The following ECI2 variants were observed in gnomAD, a reference collection of about 807,000 sequenced individuals.
ECI2 encodes the protein D3,D2-enoyl-CoA isomerase.
A neutral mutation model predicts 38.4 loss-of-function variants in ECI2; 27 were observed. The ratio of observed to expected loss-of-function variants is 0.70; its 90% CI spans 0.52 to 0.97. ECI2 has a LOEUF of 0.97. ECI2 is among the 50% of genes least tolerant of loss of function. The pLI is 0.00. For missense variants in ECI2, 470 were observed against 474.4 expected (o/e 0.99, Z 0.09); for synonymous variants, 168 against 172.0 (o/e 0.98, Z 0.18).
In ECI2 at chr6:4,119,031, T is replaced by C. The variant is rs1020127680; in HGVS notation, c.885+155A>G. 30 of 609,056 alleles carry C rather than the reference T, an allele frequency of 4.9e-5. 1 individual carries two copies. The highest frequency in any genetic ancestry group is 7.7e-5 in the Non-Finnish European group (28 of 363,290). The allele number at this position is 609,056 out of a possible 1,614,324, so 37.7% of individuals were successfully genotyped here. ...CAGATACTTCCCATAGCCTGATTCC[T>C]CCATTGGTAAAACTCTTAAAGAGTT... is the stretch of plus-strand genomic sequence containing the variant. On this transcript the variant is annotated intron_variant, in intron 8 of 9. Transcript: ENST00000380118.
intron 1 of ECI2, 84 bp from the exon 2 acceptor site, chr6:4,133,795 T>A: frequency 7.0e-7 from 1 of 1,437,940 alleles, no homozygotes; most frequent in East Asian, 2.4e-5. Flanking sequence ...AGCCTATACA[T>A]AACAAAATGC....
intron 6 of ECI2, chr6:4,125,660 G>A (rs954037577): frequency 4.3e-6 from 2 of 466,530 alleles, no homozygotes; most frequent in African/African-American, 3.9e-5. Context: ...ACCAGCCGCA[G>A]TCTTAGAGAT....
chr6:4,122,651 A>G (rs1339199478), intron 7 of ECI2, among the ~76,000 whole-genome samples: 1 of 151,636 alleles, frequency 6.6e-6, no homozygotes, highest in African/African-American at 2.4e-5. Flanking sequence ...GCCTGCCACC[A>G]CACCTGGCTA....
At chr6:4,125,475 G>A (rs1266723683) in intron 6 of ECI2, 105 bp from the exon 7 acceptor site, 24 of 1,502,736 alleles carry the variant, frequency 1.6e-5, no homozygotes, top group South Asian at 2.5e-5. Flanking sequence ...CAGGCTGGGT[G>A]TTTCCACAGC....
At chr6:4,124,895 G>C (rs188065953) in intron 7 of ECI2, 1 of 388,702 alleles carries the variant, frequency 2.6e-6, no homozygotes, top group African/African-American at 2.1e-5. Flanking sequence ...CAGTAAAAAG[G>C]ATCAACTAAT....
chr6:4,116,722 G>C (rs1174865283), intron 9 of ECI2, among the ~76,000 whole-genome samples: 2 of 152,122 alleles, frequency 1.3e-5, no homozygotes, highest in Non-Finnish European at 2.9e-5. Flanking sequence ...GAGACTACAG[G>C]TGTGAGCCAC....
intron 7 of ECI2, 35 bp from the exon 8 acceptor site, chr6:4,119,310 T>C (rs1366625379): frequency 6.7e-7 from 1 of 1,498,202 alleles, no homozygotes; most frequent in Non-Finnish European, 9.1e-7. Context: ...AACCATCTTT[T>C]CATGTGTGAT....
intron 7 of ECI2, 140 bp from the exon 8 acceptor site, chr6:4,119,415 G>C (rs1772527332): frequency 1.8e-6 from 1 of 562,544 alleles, no homozygotes; most frequent in African/African-American, 1.9e-5. Flanking sequence ...CCACCCCTTG[G>C]GTTCAAGCGA....
At chr6:4,126,313 T>G in intron 5 of ECI2, 76 bp from the exon 6 acceptor site, 7 of 1,264,124 alleles carry the variant, frequency 5.5e-6, no homozygotes, top group Non-Finnish European at 7.8e-6. Context: ...TGCCAAACTC[T>G]ATGGTTAGGC....
At chr6:4,133,150 A>G (rs1773571254) in intron 2 of ECI2, among the ~76,000 whole-genome samples, 1 of 152,190 alleles carries the variant, frequency 6.6e-6, no homozygotes. Context: ...TTTCTTAAAA[A>G]TATCAACATT....
At chr6:4,118,359 T>C (rs1772423783) in intron 8 of ECI2, 1 of 152,422 alleles carries the variant, frequency 6.6e-6, no homozygotes, top group African/African-American at 2.4e-5. Flanking sequence ...CCAAATGCTC[T>C]AAGACTTGTA....
At chr6:4,133,879 C>A in intron 1 of ECI2, 168 bp from the exon 2 acceptor site, 1 of 713,108 alleles carries the variant, frequency 1.4e-6, no homozygotes, top group Non-Finnish European at 2.1e-6. Flanking sequence ...GTAAGGATTC[C>A]AAGATAATAA....
intron 7 of ECI2, chr6:4,122,059 T>C (rs1581972384): frequency 6.6e-7 from 1 of 1,522,382 alleles, no homozygotes; most frequent in South Asian, 1.2e-5. Flanking sequence ...ACATGCAAAG[T>C]TGCCAGTAAG....
chr6:4,132,738 G>A (rs1042864053), intron 2 of ECI2, among the ~76,000 whole-genome samples: 4 of 152,000 alleles, frequency 2.6e-5, no homozygotes, highest in Non-Finnish European at 4.4e-5. Flanking sequence ...TTATCAAACT[G>A]CCTTACTTGC....
intron 7 of ECI2, among the ~76,000 whole-genome samples, chr6:4,124,381 G>T (rs1301741469): frequency 6.6e-6 from 1 of 152,174 alleles, no homozygotes; most frequent in African/African-American, 2.4e-5. Flanking sequence ...AAATACCTCT[G>T]AACAAAACTA....
At position 4,119,126 on chromosome 6, in the gene ECI2, C is replaced by T. The variant is rs919469039; in HGVS notation, c.885+60G>A. On this transcript the variant is annotated intron_variant, in intron 8 of 9. Transcript: ENST00000380118. ...AAAGAAGGGAGAGTATATGAGATTA[C>T]TCTTCCTTCTTTCTTGAGATGACTC... is the stretch of plus-strand genomic sequence containing the variant. The T allele has an allele frequency of 7.0e-6, 8 of 1,137,722 alleles. No homozygotes were observed. The African/African-American group carries it at 1.1e-4, about 16-fold the overall frequency. The allele number at this position is 1,137,722 out of a possible 1,614,324, so 70.5% of individuals were successfully genotyped here.
At chr6:4,121,877 A>G (rs1215480918) in intron 7 of ECI2, 1 of 772,986 alleles carries the variant, frequency 1.3e-6, no homozygotes, top group Non-Finnish European at 2.1e-6. Context: ...TATGCAGCAT[A>G]TACATAAAAA....
rs1773448334 is a variant in ECI2, at chr6:4,130,486, C to G, written c.387G>C (p.Glu129Asp). The G allele has an allele frequency of 6.2e-7, 1 of 1,614,124 alleles. No homozygotes were observed. Among genetic ancestry groups the G allele is most frequent in the African/African-American group, 1.3e-5 (1 of 74,946 alleles). Residue 129 changes from glutamate (E) to aspartate (D), a missense_variant, in exon 4 of 10, where the codon GAG (glutamate) becomes GAC (aspartate). Transcript: ENST00000380118. ...CAGTTGATTTCCTGTCTGTTCCAGG[C>G]TCCACCTGACTAGAGGATTCCAATG... ...SPSLESSSQV[E>D]PGTDRKSTGF...
intron 1 of ECI2, 40 bp downstream of exon 1, chr6:4,135,471 C>T (rs1222736688): frequency 6.3e-7 from 1 of 1,594,950 alleles, no homozygotes; most frequent in South Asian, 1.1e-5. Context: ...CGGTATCCTG[C>T]GGGCGACCAT....
Sources: gnomAD v4.1 joint callset for allele counts (sites outside exome capture counted in the v4.1 genomes callset) on GRCh38, gnomAD v4.1.1 for gene constraint, MANE v1.5 for transcripts, NCBI Gene and HGNC (gene_info 2026-07-23, HGNC 2026-07-21) for gene names.